Variants in RASAL1 observed in about 807,000 individuals in gnomAD.
The protein encoded by RASAL1 is rasGAP-activating-like protein 1.
In RASAL1, 72 loss-of-function variants were observed where a neutral mutation model predicts 96.6. The ratio of observed to expected loss-of-function variants is 0.75; its 90% confidence interval spans 0.62 to 0.91. The LOEUF (loss-of-function observed/expected upper bound fraction) is 0.91, where lower values mean the gene tolerates loss of function less well. RASAL1 is among the 40% of genes least tolerant of loss of function. The probability of loss-of-function intolerance (pLI) is 0.00; values close to 1 mark genes in which losing one functional copy is unlikely to be tolerated. For missense variants in RASAL1, 1,016 were observed against 1,072.5 expected, an observed-to-expected ratio of 0.95 and a Z score of 0.74; for synonymous variants, 405 against 430.4, an observed-to-expected ratio of 0.94 and a Z score of 0.73.
At chr12:113,127,784 C>G in intron 4 of RASAL1, 28 bp downstream of exon 4, 2 of 1,594,360 alleles carry the variant, frequency 1.3e-6, no homozygotes, top group Middle Eastern at 1.7e-4. Context: ...ATGGCCCCCT[C>G]CTCCCTCTGC....
In RASAL1 at chr12:113,135,313, C is replaced by T; in HGVS notation, c.65+85G>A. ...AAGAACCCCTCGCCCTCCTGCCAAC[C>T]CGCCCTGGCACGCGGAAAGGGCGAC... On this transcript the variant is annotated intron_variant, in intron 1 of 20. Coordinates refer to ENST00000548055, the MANE Select transcript of RASAL1 (RefSeq NM_001301202.2). This position sits in a 1 kb window ranked among gnomAD's most constrained non-coding sequence, Gnocchi z 5.7. 2 of 1,339,040 alleles carry T rather than the reference C, an allele frequency of 1.5e-6. No individual in the cohort carries two copies. Among genetic ancestry groups the T allele is most frequent in the Non-Finnish European group, 1.0e-6 (1 of 962,630 alleles). 82.9% of individuals were successfully genotyped at this position (1,339,040 alleles called of 1,614,324 possible). A position where few individuals can be genotyped will look rare whatever the true frequency, so the allele number is the denominator to read the frequency against.
chr12:113,100,611 G>A lies in RASAL1; in HGVS notation c.2278+17C>T. On this transcript the variant is annotated intron_variant, in intron 20 of 20. Transcript: ENST00000548055. ...ACTGCACCCAGCCTTTACCTTCTGA[G>A]GTACAGGAGCCCTTACCTGTGTCTG... The A allele has an allele frequency of 1.2e-6, 2 of 1,601,574 alleles. No homozygotes were observed. Among genetic ancestry groups the A allele is most frequent in the Non-Finnish European group, 1.7e-6 (2 of 1,169,588 alleles).
Position 113,099,623 on chromosome 12 carries a change from G to A in RASAL1, c.*306C>T, listed in dbSNP as rs558557140. 51 of 266,768 alleles carry A rather than the reference G, an allele frequency of 1.9e-4. 1 individual carries two copies. In the South Asian group the frequency reaches 7.5e-3, roughly 39 times the overall value. The allele number at this position is 266,768 out of a possible 1,614,324, so 16.5% of individuals were successfully genotyped here. A position where few individuals can be genotyped will look rare whatever the true frequency, so the allele number is the denominator to read the frequency against. ...GGGCCAGGCTGGCCTCCTTGGTATG[G>A]ATAGAGGCCAGTTTGGTGAAGTAGA... On this transcript the variant is annotated 3_prime_UTR_variant, in exon 21 of 21. Transcript: ENST00000548055.
At position 113,099,928 on chromosome 12, in the gene RASAL1, C is replaced by G; in HGVS notation, c.*1G>C. 7 of 1,609,790 alleles carry G rather than the reference C, an allele frequency of 4.3e-6. No individual in the cohort carries two copies. The highest frequency in any genetic ancestry group is 5.9e-6 in the Non-Finnish European group (7 of 1,177,710). Reference sequence around the variant, plus strand: ...CCTTCCGGGCTAGCTCTGGCATTTCCTTAGGGGCCAAGGGGGCCCAGGGCC... The same window carrying G: ...CCTTCCGGGCTAGCTCTGGCATTTCGTTAGGGGCCAAGGGGGCCCAGGGCC... On this transcript the variant is annotated 3_prime_UTR_variant, in exon 21 of 21. Coordinates refer to ENST00000548055, the MANE Select transcript of RASAL1 (RefSeq NM_001301202.2).
chr12:113,127,989 A>G, intron 3 of RASAL1, 76 bp downstream of exon 3: 1 of 1,546,848 alleles, frequency 6.5e-7, no homozygotes, highest in Non-Finnish European at 8.9e-7. Flanking sequence ...TGGGCTGTGG[A>G]CCCACATCCC....
chr12:113,135,825 C>T (rs753019583), upstream of RASAL1: 2 of 199,228 alleles, frequency 1.0e-5, no homozygotes, highest in East Asian at 1.3e-4. This position sits in a 1 kb window ranked among gnomAD's most constrained non-coding sequence, Gnocchi z 5.7. Flanking sequence ...TGGGGTCCCC[C>T]ACCTGACCCC....
chr12:113,132,074 C>A (rs567030111), intron 1 of RASAL1, among the ~76,000 whole-genome samples: 11 of 150,448 alleles, frequency 7.3e-5, no homozygotes, highest in Non-Finnish European at 1.5e-4. Flanking sequence ...CAAGTTCAAG[C>A]GATTCTCCTG....
intron 4 of RASAL1, among the ~76,000 whole-genome samples, chr12:113,124,493 C>T (rs1951413643): frequency 6.6e-6 from 1 of 152,204 alleles, no homozygotes; most frequent in African/African-American, 2.4e-5. Flanking sequence ...CCACAAGTTC[C>T]TGCAAGCCAG....
intron 12 of RASAL1, 124 bp from the exon 13 acceptor site, chr12:113,112,402 C>T (rs911079083): frequency 1.5e-6 from 1 of 661,222 alleles, no homozygotes; most frequent in Non-Finnish European, 2.2e-6. Context: ...CTCCTTCCTG[C>T]CCCTTCCCAC....
chr12:113,123,398 A>G (rs1190456738), intron 4 of RASAL1, among the ~76,000 whole-genome samples: 1 of 152,176 alleles, frequency 6.6e-6, no homozygotes, highest in Non-Finnish European at 1.5e-5. Flanking sequence ...GGAGTTGGTT[A>G]TTCTGGGACC....
rs748320761 is a variant in RASAL1 at position 113,130,717 on chromosome 12, C to T, written c.122+168G>A. ...TCCAGAGGGGGAAGGCAGGGCTGGT[C>T]GGGGAGAGGAGCTGGCAGTCCCAGC... On this transcript the variant is annotated intron_variant, in intron 2 of 20. Coordinates refer to ENST00000548055, the MANE Select transcript of RASAL1 (RefSeq NM_001301202.2). This position sits in a 1 kb window ranked among gnomAD's most constrained non-coding sequence, Gnocchi z 5.1. Among the ~76,000 whole-genome samples, 2 of 152,138 alleles carry T rather than the reference C, an allele frequency of 1.3e-5. No individual in the cohort carries two copies. The highest frequency in any genetic ancestry group is 2.4e-5 in the African/African-American group (1 of 41,434).
intron 19 of RASAL1, 32 bp downstream of exon 19, chr12:113,101,857 G>A (rs1039891765): frequency 4.4e-6 from 7 of 1,606,408 alleles, no homozygotes; most frequent in Non-Finnish European, 6.0e-6. Context: ...GCTGGTCATA[G>A]GAGGTGAAGT....
intron 5 of RASAL1, among the ~76,000 whole-genome samples, chr12:113,121,052 C>T (rs1002216798): frequency 6.6e-6 from 1 of 152,200 alleles, no homozygotes; most frequent in Non-Finnish European, 1.5e-5. Flanking sequence ...AGGGCCATCT[C>T]TCACCTGGGG....
chr12:113,131,700 AG>A (rs1393872577), intron 1 of RASAL1, among the ~76,000 whole-genome samples: 1 of 152,166 alleles, frequency 6.6e-6, no homozygotes, highest in Non-Finnish European at 1.5e-5. Context: ...GCAAATCCCA[AG>A]CTGTCTAACA....
At chr12:113,116,770 G>A (rs562411757) in intron 8 of RASAL1, among the ~76,000 whole-genome samples, 3 of 152,356 alleles carry the variant, frequency 2.0e-5, no homozygotes, top group Admixed American at 2.0e-4. Context: ...GGCAAGTGGA[G>A]ATGGTATAAA....
chr12:113,112,005 C>A lies in RASAL1; in HGVS notation c.1374+81G>T. ...TAGTGCCGGCAGCCTAGGTTCTGGTCACAGTTCTGTCCTGACTCCTCCGAG... is the reference window on the plus strand; with the variant it reads ...TAGTGCCGGCAGCCTAGGTTCTGGTAACAGTTCTGTCCTGACTCCTCCGAG... On this transcript the variant is annotated intron_variant, in intron 13 of 20. Transcript: ENST00000548055. 3.4e-6 allele frequency: 4 copies of A among 1,180,382 alleles called. No homozygotes were observed. In the South Asian group the frequency reaches 1.7e-4, roughly 51 times the overall value. 73.1% of individuals were successfully genotyped at this position (1,180,382 alleles called of 1,614,324 possible).
chr12:113,119,454 A>T lies in RASAL1; in HGVS notation c.429-11T>A, dbSNP rs752779352. 1.3e-6 allele frequency: 2 copies of T among 1,597,796 alleles called. No individual in the cohort carries two copies. The highest frequency in any genetic ancestry group is 2.2e-5 in the South Asian group (2 of 89,070). The stretch of plus-strand genomic sequence containing the variant: ...CTGGGAGCCAGGTCCCTGGGAACAG[A>T]TGGGGAAAGGAGTGAGGAAACACGG... On this transcript the variant is annotated splice_polypyrimidine_tract_variant and intron_variant, in intron 5 of 20. Coordinates refer to ENST00000548055, the MANE Select transcript of RASAL1 (RefSeq NM_001301202.2).
rs200267385 is a variant in RASAL1 at position 113,124,250 on chromosome 12, G to C, written c.299-2612C>G. ...AAAAAAAAAAAAAAAGTTACCACAA[G>C]TCCAACAATGTATTAGGAACCCTAT... On this transcript the variant is annotated intron_variant, in intron 4 of 20. Transcript: ENST00000548055. Among the ~76,000 whole-genome samples, 18 of 147,966 alleles carry C rather than the reference G, an allele frequency of 1.2e-4. No homozygotes were observed. The East Asian group carries it at 3.6e-3, about 29-fold the overall frequency.
Position 113,105,802 on chromosome 12 carries a change from G to A in RASAL1, c.1742C>T (p.Ala581Val), listed in dbSNP as rs1203486700. ...GYLLKRKEEPAGLATRFAFKK... is the reference protein window; with the variant it reads ...GYLLKRKEEPVGLATRFAFKK... ...GAAGGCAAAGCGCGTGGCCAGGCCGGCAGGCTCCTCCTTGCGCTTCAGCAG... is the reference window on the plus strand; with the variant it reads ...GAAGGCAAAGCGCGTGGCCAGGCCGACAGGCTCCTCCTTGCGCTTCAGCAG... Residue 581 changes from alanine to valine, a missense_variant, in exon 16 of 21, where the codon GCC becomes GTC. Ala to Val is a moderately conservative substitution (Grantham distance 64, BLOSUM62 0). Coordinates refer to ENST00000548055, the MANE Select transcript of RASAL1 (RefSeq NM_001301202.2). 1.2e-6 allele frequency: 2 copies of A among 1,614,188 alleles called. No homozygotes were observed. The highest frequency in any genetic ancestry group is 1.7e-6 in the Non-Finnish European group (2 of 1,180,028).
Sources: allele counts gnomAD v4.1 joint callset (sites outside exome capture counted in the v4.1 genomes callset), GRCh38; gene constraint gnomAD v4.1.1; non-coding constraint Gnocchi (gnomAD v3.1); transcripts MANE v1.5; gene names NCBI Gene and HGNC (gene_info 2026-07-23, HGNC 2026-07-21).